BEND2: variants seen among roughly 807,000 people sequenced by gnomAD.
BEND2 encodes BEN domain-containing protein 2.
BEND2 carries 19 observed loss-of-function variants against 43.8 expected under a neutral mutation model. The observed-to-expected ratio is 0.43, with a 90% confidence interval of 0.30 to 0.64. The LOEUF is 0.64. Among genes scored for constraint, BEND2 ranks in the 30% least tolerant of loss-of-function variants. The pLI is 0.11. For missense variants in BEND2, 544 were observed against 574.0 expected, an observed-to-expected ratio of 0.95 and a Z score of 0.53; for synonymous variants, 226 against 210.1, an observed-to-expected ratio of 1.08 and a Z score of -0.66.
chrX:18,209,173 A>G (rs764450479), intron 4 of BEND2, among the ~76,000 whole-genome samples: 7 of 112,254 alleles, frequency 6.2e-5, no homozygotes, highest in African/African-American at 1.9e-4. Flanking sequence ...CCATGAGTCA[A>G]TATTAATATG....
chrX:18,220,617 A>G lies in BEND2; in HGVS notation c.25+109T>C, dbSNP rs193027065. 3,104 of 1,076,226 alleles carry G rather than the reference A, an allele frequency of 2.9e-3. 53 individuals are homozygous for G. In the African/African-American group the frequency reaches 0.05, roughly 17 times the overall value. The allele number at this position is 1,076,226 out of a possible 1,213,427, so 88.7% of individuals were successfully genotyped here. A position where few individuals can be genotyped will look rare whatever the true frequency, so the allele number is the denominator to read the frequency against. On this transcript the variant is annotated intron_variant, in intron 1 of 13. Coordinates refer to ENST00000380033, the MANE Select transcript of BEND2 (RefSeq NM_153346.5). ...GCCCCCCGACACGCCCCGGTCAATGACTAGCCAATCCTGCCGCCCCTGAAT... is the reference window on the plus strand; with the variant it reads ...GCCCCCCGACACGCCCCGGTCAATGGCTAGCCAATCCTGCCGCCCCTGAAT...
At chrX:18,179,350 AT>A (rs1222283282) in intron 9 of BEND2, among the ~76,000 whole-genome samples, 1 of 108,416 alleles carries the variant, frequency 9.2e-6, no homozygotes, top group East Asian at 2.9e-4. Context: ...TTTTGTAGAG[AT>A]GGGGTTTTGC....
intron 7 of BEND2, 66 bp from the exon 8 acceptor site, chrX:18,191,174 A>G: frequency 1.2e-6 from 1 of 855,459 alleles, no homozygotes; most frequent in Non-Finnish European, 1.7e-6. Flanking sequence ...AATCTCAACC[A>G]TGTTTTTTAG....
Position 18,180,359 on chromosome X carries a change from T to C in BEND2, c.1429+151A>G, listed in dbSNP as rs1924339227. ...TTAGCACAGTGCCTTGCACGTAATATGCACTCAATAAATGTTAGTCATGGT... is the reference window on the plus strand; with the variant it reads ...TTAGCACAGTGCCTTGCACGTAATACGCACTCAATAAATGTTAGTCATGGT... On this transcript the variant is annotated intron_variant, in intron 9 of 13. Coordinates refer to ENST00000380033, the MANE Select transcript of BEND2 (RefSeq NM_153346.5). The C allele has an allele frequency of 4.7e-6, 4 of 843,095 alleles. No homozygotes were observed. In the Admixed American group the frequency reaches 9.8e-5, roughly 21 times the overall value. The allele number at this position is 843,095 out of a possible 1,213,427, so 69.5% of individuals were successfully genotyped here.
In BEND2 at chrX:18,185,186, T is replaced by C. The variant is rs556690766; in HGVS notation, c.1289-4536A>G. Among the ~76,000 whole-genome samples, 11 of 108,698 alleles carry C rather than the reference T, an allele frequency of 1.0e-4. No individual in the cohort carries two copies. The South Asian group carries it at 4.1e-3, about 41-fold the overall frequency. 94.4% of individuals were successfully genotyped at this position (108,698 alleles called of 115,157 possible). On this transcript the variant is annotated intron_variant, in intron 8 of 13. Coordinates refer to ENST00000380033, the MANE Select transcript of BEND2 (RefSeq NM_153346.5). ...AGCCTCAAAATGGCAAATCTAAGAG[T>C]TATTGGCCTTAAAGAGGACATCGAG...
chrX:18,164,637 G>C lies in BEND2; in HGVS notation c.*372C>G. ...TCACAAAAATAAAAAGACTTGTCAA[G>C]TTTTATACGAATTATATTATTTGAC... On this transcript the variant is annotated 3_prime_UTR_variant, in exon 14 of 14. Coordinates refer to ENST00000380033, the MANE Select transcript of BEND2 (RefSeq NM_153346.5). 1 of 130,020 alleles carries C rather than the reference G, an allele frequency of 7.7e-6. No individual in the cohort carries two copies. The highest frequency in any genetic ancestry group is 1.5e-5 in the Non-Finnish European group (1 of 65,037). 10.7% of individuals were successfully genotyped at this position (130,020 alleles called of 1,213,427 possible).
chrX:18,209,733 G>A (rs1925449115), intron 4 of BEND2, among the ~76,000 whole-genome samples: 2 of 111,049 alleles, frequency 1.8e-5, no homozygotes, highest in African/African-American at 6.5e-5. Flanking sequence ...GACTAGAAGA[G>A]GCTAAGGAGA....
chrX:18,204,022 G>T (rs996590069), intron 4 of BEND2, 107 bp from the exon 5 acceptor site: 2 of 765,179 alleles, frequency 2.6e-6, no homozygotes, highest in Admixed American at 3.3e-5. Flanking sequence ...AAATCCAGAC[G>T]ACCTCTAAAA....
At position 18,180,598 on chromosome X, in the gene BEND2, G is replaced by A. The variant is rs776879324; in HGVS notation, c.1341C>T (p.Ser447=). 1.2e-5 allele frequency: 15 copies of A among 1,208,930 alleles called. No homozygotes were observed. The highest frequency in any genetic ancestry group is 2.3e-4 in the Middle Eastern group (1 of 4,373). The change falls in exon 9 of 14, where the codon AGC becomes AGT. Residue 447 remains serine, a synonymous_variant. Coordinates refer to ENST00000380033, the MANE Select transcript of BEND2 (RefSeq NM_153346.5). The part of the protein sequence containing the change: ...LVKVDTNTEN[S]VNTMNRSTLL... ...AAGTTGAGCGATTCATTGTGTTGAC[G>A]CTGTTTTCCGTGTTGGTGTCTACTT...
chrX:18,201,928 C>T lies in BEND2; in HGVS notation c.920G>A (p.Arg307Lys), dbSNP rs1569124696. Residue 307 changes from arginine (R) to lysine (K), a missense_variant, in exon 6 of 14, where the codon AGA becomes AAA. By Grantham distance (26) the Arg-to-Lys change is conservative. This residue lies in a region of BEND2 where 501 missense variants were observed against 501.6 expected (regional missense o/e 1.00). Coordinates refer to ENST00000380033, the MANE Select transcript of BEND2 (RefSeq NM_153346.5). Reference sequence around the variant, plus strand: ...GCTGTTTTTACTGCTGTTTGCTGGTCTTTCTGGCATTTCTGTAAATAAAAA... The same window carrying T: ...GCTGTTTTTACTGCTGTTTGCTGGTTTTTCTGGCATTTCTGTAAATAAAAA... ...CFHPNLEMPERPANSSKNSTE... is the reference protein window; with the variant it reads ...CFHPNLEMPEKPANSSKNSTE... 1.7e-6 allele frequency: 2 copies of T among 1,207,186 alleles called. No individual in the cohort carries two copies. Among genetic ancestry groups the T allele is most frequent in the Non-Finnish European group, 2.2e-6 (2 of 894,033 alleles).
chrX:18,181,519 C>T (rs5909419), intron 8 of BEND2, among the ~76,000 whole-genome samples: 17,685 of 110,792 alleles, frequency 0.16, 1,100 homozygotes, highest in East Asian at 0.34. Context: ...GAAAGAAAGG[C>T]GATACAAAAC....
At chrX:18,216,425 T>A (rs779327987) in intron 2 of BEND2, 96 bp downstream of exon 2, 33 of 768,298 alleles carry the variant, frequency 4.3e-5, no homozygotes, top group Admixed American at 1.2e-4. Flanking sequence ...TGGTCATAAC[T>A]AATTACTGTA....
At position 18,212,641 on chromosome X, in the gene BEND2, G is replaced by T. The variant is rs773093177; in HGVS notation, c.416C>A (p.Pro139Gln). Residue 139 changes from proline to glutamine, a missense_variant, in exon 4 of 14, where the codon CCA (proline) becomes CAA (glutamine). This residue lies in a region of BEND2 where 501 missense variants were observed against 501.6 expected (regional missense o/e 1.00). Coordinates refer to ENST00000380033, the MANE Select transcript of BEND2 (RefSeq NM_153346.5). ...GDQIVSQINHPVHLRRYSYNS... is the reference protein window; with the variant it reads ...GDQIVSQINHQVHLRRYSYNS... Reference sequence around the variant, plus strand: ...GTAACTGTATCTTCTTAAATGTACTGGGTGGTTTATCTGTGAAACTATTTG... The same window carrying T: ...GTAACTGTATCTTCTTAAATGTACTTGGTGGTTTATCTGTGAAACTATTTG... 1 of 1,209,818 alleles carries T rather than the reference G, an allele frequency of 8.3e-7. No individual in the cohort carries two copies. The highest frequency in any genetic ancestry group is 1.8e-5 in the South Asian group (1 of 56,723).
intron 8 of BEND2, among the ~76,000 whole-genome samples, chrX:18,187,866 A>G (rs1924625572): frequency 8.9e-6 from 1 of 111,920 alleles, no homozygotes; most frequent in African/African-American, 3.2e-5. Context: ...GTAATGAGGA[A>G]TTTGGGAAAC....
chrX:18,218,483 T>A (rs1040328747), intron 1 of BEND2, among the ~76,000 whole-genome samples: 3 of 112,845 alleles, frequency 2.7e-5, no homozygotes, highest in East Asian at 5.6e-4. Flanking sequence ...GGTTTCTCAG[T>A]AAATATGTAA....
At chrX:18,211,833 T>C (rs1216820705) in intron 4 of BEND2, among the ~76,000 whole-genome samples, 2 of 108,897 alleles carry the variant, frequency 1.8e-5, no homozygotes, top group Non-Finnish European at 3.8e-5. Flanking sequence ...TATGACAGAA[T>C]ACCACTCAGC....
At position 18,165,026 on chromosome X, in the gene BEND2, T is replaced by G. The variant is rs977575934; in HGVS notation, c.2383A>C (p.Thr795Pro). Residue 795 changes from threonine to proline, a missense_variant, in exon 14 of 14, where the codon ACT (threonine) becomes CCT (proline). By Grantham distance (38) the Thr-to-Pro change is conservative (BLOSUM62 -1). Coordinates refer to ENST00000380033, the MANE Select transcript of BEND2 (RefSeq NM_153346.5). ...QESKPGDPDA[T>P]DPST ...GCTGCCGTTCAGGTGCTTGGGTCAG[T>G]GGCGTCGGGATCTCCTGGCTTTGAC... 3 of 1,207,965 alleles carry G rather than the reference T, an allele frequency of 2.5e-6. No individual in the cohort carries two copies. The highest frequency in any genetic ancestry group is 1.1e-6 in the Non-Finnish European group (1 of 894,804).
intron 11 of BEND2, 72 bp downstream of exon 11, chrX:18,175,900 C>T: frequency 2.1e-6 from 2 of 961,398 alleles, no homozygotes; most frequent in Non-Finnish European, 1.4e-6. Context: ...GTGCCTCATG[C>T]TATCAGTTCT....
intron 8 of BEND2, among the ~76,000 whole-genome samples, chrX:18,183,042 CAAAAAAAAAAA>C (rs56812732): frequency 9.8e-5 from 4 of 40,785 alleles, no homozygotes; most frequent in Admixed American, 8.1e-4. Context: ...ACTCTGTCTC[CAAAAAAAAAAA>C]AAAAAAAAAA....
Sources: allele counts gnomAD v4.1 joint callset (sites outside exome capture counted in the v4.1 genomes callset), GRCh38; gene constraint gnomAD v4.1.1; regional missense constraint gnomAD v4.1.1; transcripts MANE v1.5; gene names NCBI Gene and HGNC (gene_info 2026-07-23, HGNC 2026-07-21).